Variants in C4orf36 observed in about 807,000 individuals in gnomAD.
C4orf36 encodes the protein chromosome 4 open reading frame 36.
A neutral mutation model predicts 12.2 loss-of-function variants in C4orf36; 11 were observed. The observed-to-expected ratio is 0.90, with a 90% CI of 0.57 to 1.49. The LOEUF (loss-of-function observed/expected upper bound fraction) is 1.49. Ranked by LOEUF, C4orf36 falls within the 40% of genes most tolerant of loss-of-function variation. The pLI is 0.00. For missense variants in C4orf36, 137 were observed against 133.9 expected, an observed-to-expected ratio of 1.02 and a Z score of -0.11; for synonymous variants, 54 against 51.3, an observed-to-expected ratio of 1.05 and a Z score of -0.22.
At chr4:86,903,646 T>C in the C4orf36 span, among the ~76,000 whole-genome samples, 9 of 152,272 alleles carry the variant, frequency 5.9e-5, no homozygotes, top group East Asian at 1.9e-4. Flanking sequence ...AAAGCTCCCA[T>C]ACCATCGAAG....
chr4:86,888,818 G>T (rs554599785), intron 2 of C4orf36, among the ~76,000 whole-genome samples: 32 of 152,158 alleles, frequency 2.1e-4, no homozygotes, highest in Non-Finnish European at 4.1e-4. Flanking sequence ...GTCAATATGA[G>T]TTCAGCCTCA....
At chr4:86,886,443 G>C (rs1747180471) in intron 4 of C4orf36, 2 of 152,194 alleles carry the variant, frequency 1.3e-5, no homozygotes, top group Non-Finnish European at 2.9e-5. Flanking sequence ...CCATCAAAAA[G>C]TGGGCAAAGG....
upstream of C4orf36, among the ~76,000 whole-genome samples, chr4:86,896,851 T>C (rs1385085918): frequency 6.6e-6 from 1 of 152,166 alleles, no homozygotes; most frequent in Non-Finnish European, 1.5e-5. Flanking sequence ...CCCTAAATCA[T>C]CTCCTCTGTC....
At chr4:86,934,464 G>A in the C4orf36 span, 3 of 152,206 alleles carry the variant, frequency 2.0e-5, no homozygotes, top group African/African-American at 7.2e-5. Flanking sequence ...TTAGTAGCCT[G>A]TGACATTGAG....
At chr4:86,876,771 G>A in intron 4 of C4orf36, 1 of 1,409,706 alleles carries the variant, frequency 7.1e-7, no homozygotes, top group Non-Finnish European at 9.4e-7. Context: ...AATAAAATTG[G>A]TTGCAATTTT....
chr4:86,915,551 AG>A, the C4orf36 span, among the ~76,000 whole-genome samples: 2 of 152,098 alleles, frequency 1.3e-5, no homozygotes, highest in East Asian at 1.9e-4. Context: ...TGGGAGGCCG[AG>A]GGGGGTGGAT....
chr4:86,889,665 AG>A (rs1038610046), intron 2 of C4orf36, among the ~76,000 whole-genome samples: 1 of 152,092 alleles, frequency 6.6e-6, no homozygotes, highest in Non-Finnish European at 1.5e-5. Flanking sequence ...GCACTTTGGG[AG>A]GCAGAGGCAG....
chr4:86,892,522 G>A (rs1293802647), upstream of C4orf36: 2 of 948,100 alleles, frequency 2.1e-6, no homozygotes, highest in Admixed American at 6.2e-5. Flanking sequence ...GCGCCCCGCG[G>A]GGTCCGCTCT....
At chr4:86,899,797 G>A in the C4orf36 span, among the ~76,000 whole-genome samples, 2 of 152,176 alleles carry the variant, frequency 1.3e-5, no homozygotes, top group African/African-American at 4.8e-5. Flanking sequence ...TGCCTCTGCA[G>A]TCCAGCATGG....
the C4orf36 span, among the ~76,000 whole-genome samples, chr4:86,917,111 C>T: frequency 1.3e-5 from 2 of 152,016 alleles, no homozygotes; most frequent in Admixed American, 1.3e-4. Flanking sequence ...GACACCATTT[C>T]TACAAAAAAA....
At chr4:86,911,133 G>A in the C4orf36 span, among the ~76,000 whole-genome samples, 4 of 152,108 alleles carry the variant, frequency 2.6e-5, no homozygotes, top group African/African-American at 9.7e-5. Flanking sequence ...TCAGAATTGA[G>A]GGCTGAAACC....
intron 2 of C4orf36, among the ~76,000 whole-genome samples, chr4:86,889,417 T>C (rs1747307113): frequency 6.6e-6 from 1 of 151,706 alleles, no homozygotes; most frequent in Admixed American, 6.6e-5. Context: ...AAACAAACTG[T>C]AGTACAAACA....
chr4:86,876,477 T>C (rs1297240129), intron 4 of C4orf36, 34 bp from the exon 5 acceptor site: 1 of 1,613,548 alleles, frequency 6.2e-7, no homozygotes, highest in African/African-American at 1.3e-5. Flanking sequence ...TAAGATTTTA[T>C]TTTATCATCC....
the C4orf36 span, among the ~76,000 whole-genome samples, chr4:86,901,097 G>A: frequency 3.3e-5 from 5 of 151,396 alleles, no homozygotes; most frequent in Admixed American, 1.3e-4. Flanking sequence ...TGATTCTCGC[G>A]CTTCAGCCTC....
At chr4:86,925,292 G>A in the C4orf36 span, 1 of 152,474 alleles carries the variant, frequency 6.6e-6, no homozygotes. Flanking sequence ...CACGATCTTG[G>A]CTCACTGCAA....
At chr4:86,920,997 C>T in the C4orf36 span, among the ~76,000 whole-genome samples, 4 of 151,770 alleles carry the variant, frequency 2.6e-5, no homozygotes, top group African/African-American at 9.7e-5. Context: ...GATACCCCGT[C>T]TCTACTAAAA....
At chr4:86,912,903 C>T in the C4orf36 span, among the ~76,000 whole-genome samples, 25,736 of 150,490 alleles carry the variant, frequency 0.17, 2,367 homozygotes, top group East Asian at 0.29. Flanking sequence ...TTCTAGTTTT[C>T]GCTTTTCTTT....
At chr4:86,896,702 T>C (rs1747597357), upstream of C4orf36, among the ~76,000 whole-genome samples, 2 of 152,198 alleles carry the variant, frequency 1.3e-5, no homozygotes, top group South Asian at 4.1e-4. Context: ...TCATTTCTCC[T>C]TGGATGGGTC....
chr4:86,925,237 T>C, the C4orf36 span: 1 of 152,190 alleles, frequency 6.6e-6, no homozygotes, highest in East Asian at 1.9e-4. Flanking sequence ...CTCATATATA[T>C]ATGAGACCGA....
Sources: allele counts gnomAD v4.1 joint callset (sites outside exome capture counted in the v4.1 genomes callset), GRCh38; gene constraint gnomAD v4.1.1; transcripts MANE v1.5; gene names NCBI Gene and HGNC (gene_info 2026-07-23, HGNC 2026-07-21).